The following ZNF44 variants were observed in gnomAD, a reference collection of about 807,000 sequenced individuals.
The protein encoded by ZNF44 is gonadotropin inducible transcription repressor-2.
In ZNF44, 9 loss-of-function variants were observed where a neutral mutation model predicts 11.7. The observed-to-expected ratio is 0.77, with a 90% CI of 0.46 to 1.35. The LOEUF is 1.35. Ranked by LOEUF, ZNF44 falls within the 40% of genes most tolerant of loss-of-function variation. The pLI is 0.00. For synonymous variants in ZNF44, 224 were observed against 242.7 expected, an observed-to-expected ratio of 0.92 and a Z score of 0.72; for missense variants, 696 against 743.1, an observed-to-expected ratio of 0.94 and a Z score of 0.74.
At position 12,251,965 on chromosome 19, in the gene ZNF44, T is replaced by G. The variant is rs1319963642; in HGVS notation, c.1913-1597A>C. ...ACTAGGGAGGCTGAGGCAGGATAATTGCTTGAACCTGGGAGACAGAGGTTG... is the reference window on the plus strand; with the variant it reads ...ACTAGGGAGGCTGAGGCAGGATAATGGCTTGAACCTGGGAGACAGAGGTTG... On this transcript the variant is annotated intron_variant and NMD_transcript_variant, in intron 5 of 7. Transcript: ENST00000393337. 4.0e-5 allele frequency among the ~76,000 whole-genome samples: 6 copies of G among 151,152 alleles called. No individual in the cohort carries two copies. The East Asian group carries it at 1.2e-3, about 29-fold the overall frequency.
In ZNF44 at chr19:12,231,625, G is replaced by A. The variant is rs1916167887; in HGVS notation, n.381-1110C>T. Among the ~76,000 whole-genome samples, 3 of 152,136 alleles carry A rather than the reference G, an allele frequency of 2.0e-5. No individual in the cohort carries two copies. The South Asian group carries it at 6.2e-4, about 31-fold the overall frequency. ...GAAAGACAATTCACAGGAGATTTGTGGATTTAATGAAGATACTGCCTGCAC... is the reference window on the plus strand; with the variant it reads ...GAAAGACAATTCACAGGAGATTTGTAGATTTAATGAAGATACTGCCTGCAC... On this transcript the variant is annotated intron_variant and non_coding_transcript_variant, in intron 2 of 3. Transcript: ENST00000597563.
chr19:12,263,163 C>T (rs1917585390), intron 5 of ZNF44, among the ~76,000 whole-genome samples: 1 of 151,852 alleles, frequency 6.6e-6, no homozygotes, highest in Non-Finnish European at 1.5e-5. Context: ...TCCCGCTCAC[C>T]GCAACCTCCA....
chr19:12,252,918 C>T (rs1461623377), intron 5 of ZNF44, among the ~76,000 whole-genome samples: 1 of 117,756 alleles, frequency 8.5e-6, no homozygotes, highest in African/African-American at 3.3e-5. Context: ...GACAGAGTCT[C>T]ACTCTGTCTC....
chr19:12,288,182 T>C (rs1384974814), intron 1 of ZNF44, among the ~76,000 whole-genome samples: 5 of 152,184 alleles, frequency 3.3e-5, no homozygotes, highest in Admixed American at 1.3e-4. Flanking sequence ...GACCACCCTT[T>C]TAACCAAATG....
intron 1 of ZNF44, chr19:12,293,516 C>T (rs1968106163): frequency 4.1e-6 from 3 of 730,958 alleles, no homozygotes; most frequent in African/African-American, 1.8e-5. Context: ...TCTCTTCTTC[C>T]TCACATGTGA....
chr19:12,264,575 T>C (rs566343782), intron 5 of ZNF44, among the ~76,000 whole-genome samples: 1 of 152,376 alleles, frequency 6.6e-6, no homozygotes, highest in East Asian at 1.9e-4. Flanking sequence ...CAAATATCTA[T>C]TCCTTTTGGA....
At chr19:12,269,390 C>T (rs939674390), downstream of ZNF44, among the ~76,000 whole-genome samples, 1 of 152,066 alleles carries the variant, frequency 6.6e-6, no homozygotes, top group Admixed American at 6.5e-5. Flanking sequence ...GGCATGGCGG[C>T]GGGTGCCTGT....
chr19:12,227,723 C>G (rs1225903248), intron 3 of ZNF44, among the ~76,000 whole-genome samples: 1 of 152,204 alleles, frequency 6.6e-6, no homozygotes, highest in Non-Finnish European at 1.5e-5. Context: ...ATAAGGTACA[C>G]TAAGATATGT....
At chr19:12,268,290 A>G (rs1158562610), downstream of ZNF44, among the ~76,000 whole-genome samples, 2 of 152,186 alleles carry the variant, frequency 1.3e-5, no homozygotes, top group African/African-American at 4.8e-5. Context: ...GATATGAGAT[A>G]AAGGTCTCAG....
chr19:12,262,749 G>A (rs1440063798), intron 5 of ZNF44, among the ~76,000 whole-genome samples: 2 of 152,070 alleles, frequency 1.3e-5, no homozygotes, highest in African/African-American at 4.8e-5. Context: ...GAATTGTCTT[G>A]CCTTACATCA....
chr19:12,294,442 T>C (rs897454538), intron 1 of ZNF44, among the ~76,000 whole-genome samples: 47 of 152,342 alleles, frequency 3.1e-4, no homozygotes, highest in Admixed American at 1.0e-3. Flanking sequence ...GGCGCGGAGC[T>C]GCCCAGAGAG....
At chr19:12,224,947 G>A (rs1481257647), downstream of ZNF44, 1 of 152,226 alleles carries the variant, frequency 6.6e-6, no homozygotes, top group African/African-American at 2.4e-5. Context: ...TCTGTGGGAG[G>A]TGTCTGGAAT....
chr19:12,228,145 G>C (rs199581584), intron 3 of ZNF44, among the ~76,000 whole-genome samples: 1 of 150,990 alleles, frequency 6.6e-6, no homozygotes, highest in African/African-American at 2.5e-5. Context: ...CTGCCAAAAC[G>C]TGCTTAAACC....
chr19:12,283,430 G>A (rs1168089384), intron 1 of ZNF44, among the ~76,000 whole-genome samples: 1 of 152,100 alleles, frequency 6.6e-6, no homozygotes, highest in Non-Finnish European at 1.5e-5. Context: ...CCGAGTTCAT[G>A]CCATTCTCCT....
At chr19:12,257,758 G>A (rs921733517) in intron 5 of ZNF44, among the ~76,000 whole-genome samples, 36 of 142,026 alleles carry the variant, frequency 2.5e-4, no homozygotes, top group African/African-American at 8.8e-4. Context: ...CCGAGATCGC[G>A]CCACTGCACT....
intron 5 of ZNF44, among the ~76,000 whole-genome samples, chr19:12,262,227 T>C (rs919568142): frequency 2.2e-4 from 33 of 152,206 alleles, no homozygotes; most frequent in Non-Finnish European, 1.5e-4. Context: ...AGGAACTCAA[T>C]TGAATTTTCA....
rs555308622 is a variant in ZNF44 at position 12,291,096 on chromosome 19, C to A, written c.3+3596G>T. On this transcript the variant is annotated intron_variant, in intron 1 of 3. Transcript: ENST00000355684. ...GTATCTATCCATCTCAGATAATAAA[C>A]ATCAGTTACTACTTCCATAATAATG... is the stretch of plus-strand genomic sequence containing the variant. 101 of 325,328 alleles carry A rather than the reference C, an allele frequency of 3.1e-4. 2 individuals carry two copies. The highest frequency in any genetic ancestry group is 2.3e-3 in the Admixed American group (50 of 22,072). The allele number at this position is 325,328 out of a possible 1,614,324, so 20.2% of individuals were successfully genotyped here. A position where few individuals can be genotyped will look rare whatever the true frequency, so the allele number is the denominator to read the frequency against.
At chr19:12,237,179 TG>T (rs1330181791) in intron 1 of ZNF44, 1 of 152,360 alleles carries the variant, frequency 6.6e-6, no homozygotes, top group African/African-American at 2.4e-5. Flanking sequence ...GATCCTCCCG[TG>T]GCCCCCACAC....
At chr19:12,262,501 C>G (rs1917549706) in intron 5 of ZNF44, among the ~76,000 whole-genome samples, 1 of 152,134 alleles carries the variant, frequency 6.6e-6, no homozygotes, top group Non-Finnish European at 1.5e-5. Flanking sequence ...GATCTCCTGA[C>G]CTCATGATCT....
Sources: allele counts gnomAD v4.1 joint callset (sites outside exome capture counted in the v4.1 genomes callset), GRCh38; gene constraint gnomAD v4.1.1; transcripts MANE v1.5; gene names NCBI Gene and HGNC (gene_info 2026-07-23, HGNC 2026-07-21).